Variants in ASPH observed in about 807,000 individuals in gnomAD.
The protein encoded by ASPH is aspartate beta-hydroxylase, also known as aspartyl/asparaginyl beta-hydroxylase.
In ASPH, 100 loss-of-function variants were observed where a neutral mutation model predicts 118.4. The observed-to-expected ratio is 0.84, with a 90% CI of 0.72 to 1.00. The LOEUF is 1.00. Ranked by LOEUF, ASPH falls within the 50% of genes least tolerant of loss-of-function variation. The pLI is 0.00. For synonymous variants in ASPH, 315 were observed against 325.6 expected (o/e 0.97, Z 0.35); for missense variants, 920 against 919.5 (o/e 1.00, Z -0.01).
chr8:61,528,942 C>CTGAGTACTAGTTAGATAG (rs1252753372), intron 21 of ASPH, among the ~76,000 whole-genome samples: 4 of 152,194 alleles, frequency 2.6e-5, no homozygotes, highest in African/African-American at 9.7e-5. Context: ...CTAACTAGTA[C>CTGAGTACTAGTTAGATAG]TACTAACTCA....
In ASPH at chr8:61,682,529, T is replaced by C. The variant is rs770015697; in HGVS notation, c.254-1493A>G. On this transcript the variant is annotated intron_variant, in intron 2 of 24. Transcript: ENST00000379454. ...GAAAACTGTTATTTGTGCTTAAAGG[T>C]ACAAATACTTAAAGTGTCCTCTTTT... The C allele has an allele frequency of 4.6e-6, 7 of 1,513,412 alleles. No homozygotes were observed. The East Asian group carries it at 1.4e-4, about 29-fold the overall frequency. The allele number at this position is 1,513,412 out of a possible 1,614,324, so 93.7% of individuals were successfully genotyped here. A position where few individuals can be genotyped will look rare whatever the true frequency, so the allele number is the denominator to read the frequency against.
At chr8:61,664,620 A>T in intron 3 of ASPH, 2 of 986,472 alleles carry the variant, frequency 2.0e-6, no homozygotes, top group South Asian at 4.7e-5. Context: ...GTGAGGAGTG[A>T]AGGAAAGGAG....
chr8:61,691,272 T>C lies in ASPH; in HGVS notation c.104-7084A>G, dbSNP rs528550947. On this transcript the variant is annotated intron_variant, in intron 1 of 24. Transcript: ENST00000379454. The stretch of plus-strand genomic sequence containing the variant: ...GTAAGATAAAGCCTTAAGAGGTTGG[T>C]ACCATAGTCTGCAACCTATGGTACC... 5.9e-5 allele frequency among the ~76,000 whole-genome samples: 9 copies of C among 152,286 alleles called. No homozygotes were observed. The South Asian group carries it at 1.9e-3, about 32-fold the overall frequency.
In ASPH at chr8:61,645,051, T is replaced by C. The variant is rs115742795; in HGVS notation, c.620-419A>G. Among the ~76,000 whole-genome samples the C allele has an allele frequency of 1.4e-3, 208 of 152,332 alleles. 1 individual carries two copies. The highest frequency in any genetic ancestry group is 4.7e-3 in the African/African-American group (196 of 41,578). On this transcript the variant is annotated intron_variant, in intron 6 of 24. Transcript: ENST00000379454. ...GAGAAAAACAGCTGAAGAGGCTTTA[T>C]ACCCTTAGGGAGCTGAAGGGTAAAT...
intron 14 of ASPH, among the ~76,000 whole-genome samples, chr8:61,597,074 A>G (rs1002090537): frequency 9.2e-5 from 14 of 152,108 alleles, no homozygotes; most frequent in African/African-American, 3.4e-4. Flanking sequence ...ACCGGGAACT[A>G]AAGAATTCAA....
intron 15 of ASPH, chr8:61,579,225 G>A: frequency 6.2e-7 from 1 of 1,613,750 alleles, no homozygotes; most frequent in South Asian, 1.1e-5. Context: ...GGCCGCCATT[G>A]CAGATGCCGA....
chr8:61,667,115 T>A (rs1588938039), intron 3 of ASPH, among the ~76,000 whole-genome samples: 1 of 152,098 alleles, frequency 6.6e-6, no homozygotes, highest in Admixed American at 6.5e-5. Context: ...AATCACATAG[T>A]AAGTCTCATC....
intron 20 of ASPH, 89 bp from the exon 21 acceptor site, chr8:61,548,297 A>G: frequency 3.6e-6 from 5 of 1,397,978 alleles, no homozygotes; most frequent in Non-Finnish European, 4.7e-6. Flanking sequence ...AAAATAAGGT[A>G]TTACTTTGAC....
intron 21 of ASPH, among the ~76,000 whole-genome samples, chr8:61,540,955 AAAATT>A (rs1387582387): frequency 2.6e-5 from 4 of 152,024 alleles, no homozygotes; most frequent in African/African-American, 9.7e-5. Context: ...AATTGAAAAA[AAAATT>A]AAGAAAGGGA....
chr8:61,700,573 A>T (rs989851221), intron 1 of ASPH, among the ~76,000 whole-genome samples: 1 of 152,186 alleles, frequency 6.6e-6, no homozygotes, highest in Non-Finnish European at 1.5e-5. Context: ...GCCTCAATAA[A>T]ATGGCTACAA....
chr8:61,514,242 T>TGC (rs925675996), intron 24 of ASPH, among the ~76,000 whole-genome samples: 2 of 152,140 alleles, frequency 1.3e-5, no homozygotes, highest in Non-Finnish European at 2.9e-5. Context: ...GGCTTTCTCT[T>TGC]TCTGCATCAG....
rs775519692 is a variant in ASPH, at chr8:61,567,150, C to A, written c.1300+18G>T. On this transcript the variant is annotated intron_variant, in intron 17 of 24. Transcript: ENST00000379454. ...ACATATGCCATTTCCTACTGAATTACCTTTGATTGCATCTTACCTAGAAAT... is the reference window on the plus strand; with the variant it reads ...ACATATGCCATTTCCTACTGAATTAACTTTGATTGCATCTTACCTAGAAAT... 3.7e-6 allele frequency: 6 copies of A among 1,612,240 alleles called. No homozygotes were observed. The highest frequency in any genetic ancestry group is 1.7e-5 in the Admixed American group (1 of 59,806).
intron 14 of ASPH, among the ~76,000 whole-genome samples, chr8:61,599,434 C>T (rs1395394089): frequency 2.0e-5 from 3 of 147,024 alleles, no homozygotes; most frequent in East Asian, 2.0e-4. Context: ...CAAACCTGCA[C>T]GTTGTGCACA....
chr8:61,625,994 C>A lies in ASPH; in HGVS notation c.935-6975G>T, dbSNP rs553427108. ...AAATTCAGGTAAGACTAAAAGCTGTCTCACAAAAAGAAAAAAGAAATCCAA... is the reference window on the plus strand; with the variant it reads ...AAATTCAGGTAAGACTAAAAGCTGTATCACAAAAAGAAAAAAGAAATCCAA... On this transcript the variant is annotated intron_variant, in intron 13 of 24. Transcript: ENST00000379454. The A allele has an allele frequency of 2.9e-5, 35 of 1,190,034 alleles. No homozygotes were observed. In the Admixed American group the frequency reaches 1.3e-3, roughly 45 times the overall value. The allele number at this position is 1,190,034 out of a possible 1,614,324, so 73.7% of individuals were successfully genotyped here. A position where few individuals can be genotyped will look rare whatever the true frequency, so the allele number is the denominator to read the frequency against.
intron 24 of ASPH, among the ~76,000 whole-genome samples, chr8:61,510,805 A>C (rs1808549713): frequency 2.0e-5 from 3 of 152,202 alleles, no homozygotes; most frequent in Non-Finnish European, 4.4e-5. Flanking sequence ...TCTGGTTAAA[A>C]ACTGTCCTTT....
At chr8:61,636,399 G>C (rs1857754689) in intron 12 of ASPH, among the ~76,000 whole-genome samples, 1 of 152,182 alleles carries the variant, frequency 6.6e-6, no homozygotes, top group South Asian at 2.1e-4. Flanking sequence ...ACTCAAAAAC[G>C]AGTTCCATGT....
chr8:61,562,892 G>A lies in ASPH; in HGVS notation c.1301-12C>T, dbSNP rs777078095. 5.0e-5 allele frequency: 77 copies of A among 1,554,624 alleles called. No individual in the cohort carries two copies. Among genetic ancestry groups the A allele is most frequent in the Non-Finnish European group, 5.2e-6 (6 of 1,157,396 alleles). ...ACCTCTCATATGACCTGAGTAGGTG[G>A]GAATTTAAAAAAAATAGAAATAAAA... On this transcript the variant is annotated splice_polypyrimidine_tract_variant and intron_variant, in intron 17 of 24. Coordinates refer to ENST00000379454, the MANE Select transcript of ASPH (RefSeq NM_004318.4).
chr8:61,654,928 G>C (rs1307542087), intron 3 of ASPH, among the ~76,000 whole-genome samples: 1 of 152,164 alleles, frequency 6.6e-6, no homozygotes, highest in Non-Finnish European at 1.5e-5. Context: ...TGAAGGCCTA[G>C]TAAAAGACAT....
At chr8:61,664,533 G>A in intron 3 of ASPH, 1 of 985,328 alleles carries the variant, frequency 1.0e-6, no homozygotes, top group Non-Finnish European at 1.2e-6. Flanking sequence ...AGTATGTACT[G>A]GATGATGGGA....
Sources: gnomAD v4.1 joint callset for allele counts (sites outside exome capture counted in the v4.1 genomes callset) on GRCh38, gnomAD v4.1.1 for gene constraint, MANE v1.5 for transcripts, NCBI Gene and HGNC (gene_info 2026-07-23, HGNC 2026-07-21) for gene names.